The following ZNF681 variants were observed in gnomAD, a reference collection of about 807,000 sequenced individuals.
ZNF681 encodes the protein zinc finger protein 681, also known as hypothetical protein FLJ31526.
In ZNF681, 37 loss-of-function variants were observed where a neutral mutation model predicts 56.0. The observed-to-expected ratio is 0.66, with a 90% CI of 0.51 to 0.87. The LOEUF is 0.87. Ranked by LOEUF, ZNF681 falls within the 40% of genes least tolerant of loss-of-function variation. The pLI, the probability that ZNF681 is intolerant of heterozygous loss-of-function variation, is 0.00. For synonymous variants in ZNF681, 225 were observed against 248.6 expected (o/e 0.91, Z 0.89); for missense variants, 741 against 744.9 (o/e 0.99, Z 0.06).
rs1395787349 is a variant in ZNF681, at chr19:23,745,201, C to T, written c.349G>A (p.Val117Met). 1.2e-6 allele frequency: 2 copies of T among 1,612,786 alleles called. No homozygotes were observed. Among genetic ancestry groups the T allele is most frequent in the Admixed American group, 3.3e-5 (2 of 59,826 alleles). Residue 117 changes from valine (V) to methionine (M), a missense_variant, in exon 4 of 4, where the codon GTG (valine) becomes ATG (methionine). Transcript: ENST00000402377. ...EHENLQLSKS[V>M]DECKVQKGGY... ...CCTTTTTGCACTTTGCACTCATCCA[C>T]ACTTTTACTTAACTGTAAATTCTCA...
chr19:23,754,029 A>C (rs911246727), intron 3 of ZNF681, among the ~76,000 whole-genome samples: 5 of 151,972 alleles, frequency 3.3e-5, no homozygotes, highest in Admixed American at 2.0e-4. Flanking sequence ...GAAAAAAAAA[A>C]CAAAGCTGAA....
At position 23,741,564 on chromosome 19, in the gene ZNF681, C is replaced by G. The variant is rs1010666104; in HGVS notation, c.*2048G>C. 7.9e-5 allele frequency: 12 copies of G among 151,950 alleles called. No individual in the cohort carries two copies. The highest frequency in any genetic ancestry group is 2.9e-4 in the African/African-American group (12 of 41,330). The allele number at this position is 151,950 out of a possible 1,614,324, so 9.4% of individuals were successfully genotyped here. ...TTTCTACTAAAAATACAAAAATTAG[C>G]TGAGTGTGGTGGCATGCGCCTGTAG... On this transcript the variant is annotated 3_prime_UTR_variant, in exon 4 of 4. Coordinates refer to ENST00000402377, the MANE Select transcript of ZNF681 (RefSeq NM_138286.3).
Position 23,743,561 on chromosome 19 carries a change from G to T in ZNF681, c.*51C>A. On this transcript the variant is annotated 3_prime_UTR_variant, in exon 4 of 4. Transcript: ENST00000402377. ...TTTTTTTTAGTATGAATTATCTTAT[G>T]CACAATCAAGTGTGACAACTTTTAA... 2 of 1,398,096 alleles carry T rather than the reference G, an allele frequency of 1.4e-6. No individual in the cohort carries two copies. The highest frequency in any genetic ancestry group is 1.9e-6 in the Non-Finnish European group (2 of 1,064,682). The allele number at this position is 1,398,096 out of a possible 1,614,324, so 86.6% of individuals were successfully genotyped here. A position where few individuals can be genotyped will look rare whatever the true frequency, so the allele number is the denominator to read the frequency against.
chr19:23,756,330 A>C (rs56156483), intron 1 of ZNF681, among the ~76,000 whole-genome samples: 145,424 of 148,920 alleles, frequency 0.98, 71,112 homozygotes, highest in Middle Eastern at 1. Flanking sequence ...GTCCCCCCCC[A>C]AAAAAAGACA....
rs1291667935 is a variant in ZNF681 at position 23,744,414 on chromosome 19, G to C, written c.1136C>G (p.Ser379Ter). The C allele has an allele frequency of 6.3e-7, 1 of 1,582,718 alleles. No individual in the cohort carries two copies. The highest frequency in any genetic ancestry group is 8.6e-7 in the Non-Finnish European group (1 of 1,161,398). Residue 379 changes from serine to a stop codon, truncating the protein, a stop_gained, in exon 4 of 4, where the codon TCA becomes TGA. Coordinates refer to ENST00000402377, the MANE Select transcript of ZNF681 (RefSeq NM_138286.3). LOFTEE classifies it high-confidence loss of function. ...AATTATCTTATGTGTAGTAAGGTGT[G>C]AGGACTGCCTAAAGGCTTTGCCACA... ...EECGKAFRQS[S>*]HLTTHKIIHT...
At chr19:23,749,340 A>C (rs1203936767) in intron 3 of ZNF681, among the ~76,000 whole-genome samples, 1 of 150,808 alleles carries the variant, frequency 6.6e-6, no homozygotes, top group East Asian at 1.9e-4. Flanking sequence ...AGAGGGTAAA[A>C]TGTTCAGCTG....
At position 23,740,505 on chromosome 19, in the gene ZNF681, T is replaced by C. The variant is rs1016206930; in HGVS notation, c.*3107A>G. 2 of 152,188 alleles carry C rather than the reference T, an allele frequency of 1.3e-5. No homozygotes were observed. Among genetic ancestry groups the C allele is most frequent in the Admixed American group, 6.5e-5 (1 of 15,272 alleles). 9.4% of individuals were successfully genotyped at this position (152,188 alleles called of 1,614,324 possible). A position where few individuals can be genotyped will look rare whatever the true frequency, so the allele number is the denominator to read the frequency against. ...AATGTTATTTCTCACAATTGATATG[T>C]TCCATCTCTGTCTTGAAGTTACAAA... On this transcript the variant is annotated 3_prime_UTR_variant, in exon 4 of 4. Transcript: ENST00000402377.
At chr19:23,756,641 G>A (rs1329720606) in intron 1 of ZNF681, among the ~76,000 whole-genome samples, 4 of 151,898 alleles carry the variant, frequency 2.6e-5, no homozygotes, top group Admixed American at 1.3e-4. Flanking sequence ...AGGGCCAGTC[G>A]GGGGGTGGAG....
intron 1 of ZNF681, 150 bp downstream of exon 1, chr19:23,758,597 C>G (rs549712597): frequency 3.4e-6 from 4 of 1,190,762 alleles, no homozygotes; most frequent in African/African-American, 1.5e-5. Context: ...GGCTGGCTGT[C>G]AGCGCAGCCG....
chr19:23,745,095 T>A lies in ZNF681; in HGVS notation c.455A>T (p.His152Leu), dbSNP rs1357048342. 6.2e-7 allele frequency: 1 copy of A among 1,604,674 alleles called. No individual in the cohort carries two copies. Among genetic ancestry groups the A allele is most frequent in the Non-Finnish European group, 8.5e-7 (1 of 1,175,794 alleles). The change falls in exon 4 of 4, where the codon CAT (histidine) becomes CTT (leucine). Residue 152 changes from histidine to leucine, a missense_variant. Coordinates refer to ENST00000402377, the MANE Select transcript of ZNF681 (RefSeq NM_138286.3). ...FQCDKYMKIF[H>L]KFSNLNGHKV... ...ATGTCCATTTAAATTTGAAAATTTATGAAAGATTTTCATATATTTATCACA... is the reference window on the plus strand; with the variant it reads ...ATGTCCATTTAAATTTGAAAATTTAAGAAAGATTTTCATATATTTATCACA...
chr19:23,748,143 T>A (rs1968972542), intron 3 of ZNF681, among the ~76,000 whole-genome samples: 1 of 152,134 alleles, frequency 6.6e-6, no homozygotes, highest in South Asian at 2.1e-4. Context: ...AAAAAGTAAC[T>A]ACACTACAAA....
At chr19:23,752,294 C>G (rs926625840) in intron 3 of ZNF681, among the ~76,000 whole-genome samples, 1 of 152,212 alleles carries the variant, frequency 6.6e-6, no homozygotes, top group Non-Finnish European at 1.5e-5. Context: ...CATACCCTTT[C>G]AGAGGCCTTG....
chr19:23,757,951 A>T (rs1183325176), intron 1 of ZNF681, among the ~76,000 whole-genome samples: 2 of 152,218 alleles, frequency 1.3e-5, no homozygotes, highest in Non-Finnish European at 2.9e-5. Context: ...CAATTTGAAC[A>T]CATTTATAAA....
At chr19:23,756,238 T>C (rs1485679756) in intron 1 of ZNF681, among the ~76,000 whole-genome samples, 7 of 151,812 alleles carry the variant, frequency 4.6e-5, no homozygotes, top group African/African-American at 9.7e-5. Context: ...GGCAGGAGAA[T>C]GGCGTGAACC....
rs897820589 is a variant in ZNF681 at position 23,741,135 on chromosome 19, A to C, written c.*2477T>G. The C allele has an allele frequency of 6.6e-6, 1 of 152,184 alleles. No individual in the cohort carries two copies. Among genetic ancestry groups the C allele is most frequent in the Non-Finnish European group, 1.5e-5 (1 of 68,032 alleles). 9.4% of individuals were successfully genotyped at this position (152,184 alleles called of 1,614,324 possible). A position where few individuals can be genotyped will look rare whatever the true frequency, so the allele number is the denominator to read the frequency against. ...GTTTCAATATTGCTCTTCTGAAACTAGGTAGAAACTCATACTCGCAAAGAA... is the reference window on the plus strand; with the variant it reads ...GTTTCAATATTGCTCTTCTGAAACTCGGTAGAAACTCATACTCGCAAAGAA... On this transcript the variant is annotated 3_prime_UTR_variant, in exon 4 of 4. Coordinates refer to ENST00000402377, the MANE Select transcript of ZNF681 (RefSeq NM_138286.3).
intron 1 of ZNF681, among the ~76,000 whole-genome samples, chr19:23,758,261 C>T (rs1315698242): frequency 2.6e-5 from 4 of 152,204 alleles, no homozygotes; most frequent in Non-Finnish European, 4.4e-5. Context: ...ACAATTTAGC[C>T]GGGCGTGGTG....
At chr19:23,758,049 T>C (rs1969149782) in intron 1 of ZNF681, among the ~76,000 whole-genome samples, 1 of 152,216 alleles carries the variant, frequency 6.6e-6, no homozygotes, top group Non-Finnish European at 1.5e-5. Flanking sequence ...TGTCTATAAA[T>C]ATCCCTTCAG....
intron 1 of ZNF681, 27 bp from the exon 2 acceptor site, chr19:23,755,578 C>CACAT (rs754240863): frequency 1.1e-5 from 16 of 1,437,514 alleles, no homozygotes; most frequent in African/African-American, 1.1e-4. Flanking sequence ...CACACACACA[C>CACAT]ACACACACAC....
chr19:23,745,449 ATTT>A (rs370284460), intron 3 of ZNF681, 126 bp from the exon 4 acceptor site: 950 of 478,978 alleles, frequency 2.0e-3, no homozygotes, highest in East Asian at 2.3e-3. Flanking sequence ...AAAGGCCCTA[ATTT>A]TTTTTTTTTT....
Sources: gnomAD v4.1 joint callset for allele counts (sites outside exome capture counted in the v4.1 genomes callset) on GRCh38, gnomAD v4.1.1 for gene constraint, MANE v1.5 for transcripts, NCBI Gene and HGNC (gene_info 2026-07-23, HGNC 2026-07-21) for gene names.